The following ACTN3 variants were observed in gnomAD, a reference collection of about 807,000 sequenced individuals.
ACTN3 encodes alpha-actinin-3.
Under a neutral mutation model 119.6 loss-of-function variants are expected in ACTN3, and 91 were observed. That is an observed-to-expected ratio of 0.76 (90% CI 0.64 to 0.91). The LOEUF is 0.91. Ranked by LOEUF, ACTN3 falls within the 40% of genes least tolerant of loss-of-function variation. ACTN3 has a pLI of 0.00. For missense variants in ACTN3, 1,221 were observed against 1,215.1 expected (o/e 1.00, Z -0.07); for synonymous variants, 456 against 478.8 (o/e 0.95, Z 0.62).
chr11:66,546,865 G>T, upstream of ACTN3: 1 of 1,510,396 alleles, frequency 6.6e-7, no homozygotes, highest in Middle Eastern at 1.8e-4. Flanking sequence ...CTGGGGCTGG[G>T]CTGGGCCCTA....
upstream of ACTN3, chr11:66,546,855 C>A: frequency 6.6e-7 from 1 of 1,511,738 alleles, no homozygotes. Context: ...CGAATTCGAT[C>A]TGGGGCTGGG....
rs1010732231 is a variant in ACTN3 at position 66,558,139 on chromosome 11, G to C, written c.1241G>C (p.Arg414Pro). ...CTCCAGCACCTGGCTGAGAAGTTCC[G>C]GCAGAAGGCCTCCCTGCACGAAGCC... ...QRLQHLAEKF[R>P]QKASLHEAWT... The change falls in exon 11 of 21, where the codon CGG becomes CCG. Residue 414 changes from arginine to proline, a missense_variant. Around this residue, in one of 3 missense-constraint regions of ACTN3, gnomAD observed 934 missense variants for 899.9 expected, o/e 1.04. Coordinates refer to ENST00000513398, the MANE Select transcript of ACTN3 (RefSeq NM_001104.4). 1 of 1,613,724 alleles carries C rather than the reference G, an allele frequency of 6.2e-7. No homozygotes were observed. Among genetic ancestry groups the C allele is most frequent in the African/African-American group, 1.3e-5 (1 of 74,942 alleles).
Position 66,561,540 on chromosome 11 carries a change from TC to T in ACTN3, c.2079del (p.Asn694ThrfsTer57). 6.2e-7 allele frequency: 1 copy of T among 1,611,512 alleles called. No individual in the cohort carries two copies. The highest frequency in any genetic ancestry group is 8.5e-7 in the Non-Finnish European group (1 of 1,178,894). On this transcript the variant is annotated frameshift_variant, in exon 17 of 21. Transcript: ENST00000513398. LOFTEE classifies it high-confidence loss of function. ...CTACGGCAGCAGGAGCAGAACATTA[TC>T]AACTACAAGACTAACATTGACCGGC... ...AGLRQQEQNI[I>X]NYKTNIDRLE...
At chr11:66,561,692 A>G in intron 17 of ACTN3, 55 bp downstream of exon 17, 1 of 1,556,022 alleles carries the variant, frequency 6.4e-7, no homozygotes, top group Non-Finnish European at 8.7e-7. Context: ...GAGGAGGCCC[A>G]GGGAGATCAC....
intron 5 of ACTN3, 99 bp downstream of exon 5, chr11:66,554,722 G>A (rs893464710): frequency 1.0e-6 from 1 of 993,250 alleles, no homozygotes; most frequent in Non-Finnish European, 1.5e-6. Context: ...GCTGGTCTCT[G>A]TCACAAGCCA....
chr11:66,550,633 T>C (rs977573916), intron 1 of ACTN3, among the ~76,000 whole-genome samples: 1 of 152,036 alleles, frequency 6.6e-6, no homozygotes, highest in Non-Finnish European at 1.5e-5. Context: ...CTGAGCAACA[T>C]AGTAAGACCG....
At chr11:66,554,195 T>C in intron 4 of ACTN3, 64 bp downstream of exon 4, 1 of 1,479,544 alleles carries the variant, frequency 6.8e-7, no homozygotes, top group Admixed American at 1.7e-5. Context: ...CCCCACAGTT[T>C]GGGAGGTCGA....
intron 17 of ACTN3, 96 bp from the exon 18 acceptor site, chr11:66,561,926 A>T (rs1857780990): frequency 6.9e-7 from 1 of 1,445,618 alleles, no homozygotes; most frequent in Non-Finnish European, 9.4e-7. Flanking sequence ...GAGGGGGAGG[A>T]CTTGCCCAGG....
chr11:66,549,732 C>CAAAAA (rs61393902), intron 1 of ACTN3, among the ~76,000 whole-genome samples: 1 of 43,016 alleles, frequency 2.3e-5, no homozygotes, highest in Admixed American at 3.3e-4. Context: ...ACTCTGTCTC[C>CAAAAA]AAAAAAAAAA....
chr11:66,563,092 T>C lies in ACTN3; in HGVS notation c.2605T>C (p.Cys869Arg), dbSNP rs370147618. Residue 869 changes from cysteine (C) to arginine (R), a missense_variant, in exon 21 of 21, where the codon TGC (cysteine) becomes CGC (arginine). Coordinates refer to ENST00000513398, the MANE Select transcript of ACTN3 (RefSeq NM_001104.4). The part of the protein sequence containing the change: ...RELPAKQAEY[C>R]IRRMVPYKGS... ...GCTCCCTGCCAAGCAGGCCGAGTAC[T>C]GCATCCGCCGTATGGTGCCCTACAA... 17 of 1,613,140 alleles carry C rather than the reference T, an allele frequency of 1.1e-5. No individual in the cohort carries two copies. Among genetic ancestry groups the C allele is most frequent in the Admixed American group, 1.7e-5 (1 of 59,990 alleles).
In ACTN3 at chr11:66,561,274, G is replaced by A. The variant is rs1282969755; in HGVS notation, c.1908G>A (p.Leu636=). 9 of 1,603,756 alleles carry A rather than the reference G, an allele frequency of 5.6e-6. No individual in the cohort carries two copies. Among genetic ancestry groups the A allele is most frequent in the African/African-American group, 1.3e-5 (1 of 74,738 alleles). ...PSCDQTLQEE[L]ARQQVNERLR... ...GTGACCAGACACTGCAGGAGGAGCT[G>A]GCACGGCAGCAGGTAAACGAGAGGC... Residue 636 remains leucine (L), a synonymous_variant, in exon 16 of 21, where the codon CTG becomes CTA. Coordinates refer to ENST00000513398, the MANE Select transcript of ACTN3 (RefSeq NM_001104.4).
At chr11:66,552,558 T>C (rs1288966009) in intron 3 of ACTN3, among the ~76,000 whole-genome samples, 1 of 151,752 alleles carries the variant, frequency 6.6e-6, no homozygotes, top group Non-Finnish European at 1.5e-5. Flanking sequence ...CTGGGCAACA[T>C]AGCAAAACTC....
chr11:66,561,712 G>A (rs1039116212), intron 17 of ACTN3, 75 bp downstream of exon 17: 8 of 1,486,362 alleles, frequency 5.4e-6, no homozygotes, highest in African/African-American at 1.4e-5. Context: ...CAGCTGGACA[G>A]AGCATGTGTG....
intron 3 of ACTN3, among the ~76,000 whole-genome samples, chr11:66,553,560 T>A (rs1419916351): frequency 1.5e-5 from 2 of 135,550 alleles, no homozygotes; most frequent in East Asian, 2.2e-4. Context: ...TGGGAAAAAA[T>A]TATAATAAAA....
chr11:66,548,191 G>A (rs540335051), intron 1 of ACTN3, among the ~76,000 whole-genome samples: 6 of 152,206 alleles, frequency 3.9e-5, no homozygotes, highest in African/African-American at 1.4e-4. Context: ...CCCAAGGGCC[G>A]AGAGGCTCCG....
At chr11:66,550,352 G>A (rs1791690) in intron 1 of ACTN3, among the ~76,000 whole-genome samples, 72,692 of 151,952 alleles carry the variant, frequency 0.48, 18,335 homozygotes, top group African/African-American at 0.63. Flanking sequence ...ACCAAGTGTC[G>A]TGTCACCCCT....
rs1416975204 is a variant in ACTN3 at position 66,558,163 on chromosome 11, C to G, written c.1265C>G (p.Ala422Gly). Residue 422 changes from alanine (A) to glycine (G), a missense_variant, in exon 11 of 21, where the codon GCC becomes GGC. Transcript: ENST00000513398. Reference sequence around the variant, plus strand: ...CGGCAGAAGGCCTCCCTGCACGAAGCCTGGACCCGGGGTAGGTAGACCTAC... The same window carrying G: ...CGGCAGAAGGCCTCCCTGCACGAAGGCTGGACCCGGGGTAGGTAGACCTAC... ...KFRQKASLHE[A>G]WTRGKEEMLS... The G allele has an allele frequency of 1.2e-6, 2 of 1,613,304 alleles. No individual in the cohort carries two copies. The highest frequency in any genetic ancestry group is 2.2e-5 in the South Asian group (2 of 91,090).
chr11:66,551,258 A>G lies in ACTN3; in HGVS notation c.167A>G (p.Asn56Ser). The G allele has an allele frequency of 1.2e-6, 2 of 1,611,226 alleles. No homozygotes were observed. The change falls in exon 2 of 21, where the codon AAC becomes AGC. Residue 56 changes from asparagine (N) to serine (S), a missense_variant. Around this residue, in one of 3 missense-constraint regions of ACTN3, gnomAD observed 239 missense variants for 231.8 expected, o/e 1.03. Transcript: ENST00000513398. ...CCCTAGACCTTCACTGCCTGGTGCA[A>G]CTCACACCTGCGCAAGGCAGGCACC... is the stretch of plus-strand genomic sequence containing the variant. ...QQRKTFTAWC[N>S]SHLRKAGTQI...
At position 66,554,586 on chromosome 11, in the gene ACTN3, C is replaced by T. The variant is rs1276610077; in HGVS notation, c.520C>T (p.Pro174Ser). The change falls in exon 5 of 21, where the codon CCG (proline) becomes TCG (serine). Residue 174 changes from proline (P) to serine (S), a missense_variant. Physicochemically the swap from Pro to Ser is moderately conservative, Grantham distance 74 (BLOSUM62 -1). Coordinates refer to ENST00000513398, the MANE Select transcript of ACTN3 (RefSeq NM_001104.4). ...LLLWCQRKTAPYRNVNVQNFH... is the reference protein window; with the variant it reads ...LLLWCQRKTASYRNVNVQNFH... ...TCTGTGGTGCCAGAGGAAGACAGCA[C>T]CGTACCGCAACGTCAACGTGCAGAA... 1.2e-6 allele frequency: 2 copies of T among 1,612,856 alleles called. No homozygotes were observed. The highest frequency in any genetic ancestry group is 2.2e-5 in the South Asian group (2 of 90,758).
Sources: allele counts gnomAD v4.1 joint callset (sites outside exome capture counted in the v4.1 genomes callset), GRCh38; gene constraint gnomAD v4.1.1; regional missense constraint gnomAD v4.1.1; transcripts MANE v1.5; gene names NCBI Gene and HGNC (gene_info 2026-07-23, HGNC 2026-07-21).